The following BMX variants were observed in gnomAD, a reference collection of about 807,000 sequenced individuals.
BMX encodes BMX non-receptor tyrosine kinase.
A neutral mutation model predicts 59.2 loss-of-function variants in BMX; 31 were observed. That is an observed-to-expected ratio of 0.52 (90% CI 0.39 to 0.71). BMX has a LOEUF of 0.71. BMX is among the 30% of genes least tolerant of loss of function. The pLI, the probability that BMX is intolerant of heterozygous loss-of-function variation, is 0.00. For synonymous variants in BMX, 185 were observed against 181.0 expected (o/e 1.02, Z -0.18); for missense variants, 474 against 491.7 (o/e 0.96, Z 0.34).
At chrX:15,546,761 C>A in intron 16 of BMX, 42 bp from the exon 17 acceptor site, 1 of 1,103,019 alleles carries the variant, frequency 9.1e-7, no homozygotes, top group Non-Finnish European at 1.2e-6. Context: ...CAGCCTGTAC[C>A]ACCACGGCTT....
At chrX:15,514,362 C>T (rs1276610332) in intron 4 of BMX, among the ~76,000 whole-genome samples, 1 of 111,873 alleles carries the variant, frequency 8.9e-6, no homozygotes, top group African/African-American at 3.2e-5. Context: ...TCACTAAAGC[C>T]CACTGTTTAT....
At chrX:15,539,244 C>T (rs1300956939) in intron 14 of BMX, among the ~76,000 whole-genome samples, 1 of 110,620 alleles carries the variant, frequency 9.0e-6, no homozygotes, top group Admixed American at 9.6e-5. Context: ...TTGCCATTAC[C>T]AAGCTGGTAT....
intron 1 of BMX, among the ~76,000 whole-genome samples, chrX:15,506,602 T>C (rs1286605788): frequency 3.6e-5 from 4 of 112,311 alleles, no homozygotes; most frequent in African/African-American, 1.3e-4. Context: ...GAGCAAATTC[T>C]CTTCCGGCCA....
intron 13 of BMX, 103 bp downstream of exon 13, chrX:15,536,530 G>A: frequency 1.4e-6 from 1 of 695,621 alleles, no homozygotes. Context: ...AGGAAAGACA[G>A]GAAGGAGGCC....
intron 17 of BMX, 117 bp downstream of exon 17, chrX:15,547,038 A>T (rs1234642950): frequency 1.8e-6 from 1 of 563,265 alleles, no homozygotes; most frequent in Non-Finnish European, 2.8e-6. Context: ...ACGAAGTTAC[A>T]CATATAGCCT....
intron 16 of BMX, among the ~76,000 whole-genome samples, chrX:15,545,843 C>G (rs1425508631): frequency 8.9e-6 from 1 of 111,774 alleles, no homozygotes; most frequent in Non-Finnish European, 1.9e-5. Context: ...CTGACAGAAT[C>G]TGTCCCTCAT....
At chrX:15,503,951 T>C (rs760608130) in intron 1 of BMX, among the ~76,000 whole-genome samples, 67 of 112,035 alleles carry the variant, frequency 6.0e-4, no homozygotes, top group African/African-American at 2.2e-3. Context: ...TGTTCTGGCC[T>C]ACCCCATAAG....
At chrX:15,551,708 C>T (rs767217564) in intron 18 of BMX, among the ~76,000 whole-genome samples, 3 of 110,785 alleles carry the variant, frequency 2.7e-5, no homozygotes, top group Non-Finnish European at 5.7e-5. Flanking sequence ...TTCGTTTAGC[C>T]TTAAATTATC....
chrX:15,552,874 T>C (rs1165083681), intron 18 of BMX, among the ~76,000 whole-genome samples: 2 of 112,576 alleles, frequency 1.8e-5, no homozygotes, highest in African/African-American at 3.2e-5. Flanking sequence ...TATTTTCTGT[T>C]TGGGCATTCT....
intron 16 of BMX, among the ~76,000 whole-genome samples, 161 bp from the exon 17 acceptor site, chrX:15,546,641 CT>C (rs1925959109): frequency 9.0e-6 from 1 of 111,390 alleles, no homozygotes; most frequent in Admixed American, 9.6e-5. Context: ...CTTTTAAATG[CT>C]TACAAACCAT....
intron 18 of BMX, among the ~76,000 whole-genome samples, chrX:15,550,390 A>G (rs1926136206): frequency 9.1e-6 from 1 of 110,440 alleles, no homozygotes; most frequent in Non-Finnish European, 1.9e-5. Flanking sequence ...CTGCAACACT[A>G]TGGAGCTCCT....
Position 15,555,201 on chromosome X carries a change from CTTTTTT to C in BMX, c.1954-852_1954-847del, listed in dbSNP as rs34118728. 3.0e-3 allele frequency among the ~76,000 whole-genome samples: 124 copies of C among 41,590 alleles called. 1 individual carries two copies. Among genetic ancestry groups the C allele is most frequent in the African/African-American group, 0.01 (114 of 11,052 alleles). 36.1% of individuals were successfully genotyped at this position (41,590 alleles called of 115,157 possible). A position where few individuals can be genotyped will look rare whatever the true frequency, so the allele number is the denominator to read the frequency against. ...TTGTCCTAGTCTAGAACGAGGGAAG[CTTTTTT>C]TTTTTTTTTTTTTTTTTTTAAGACA... On this transcript the variant is annotated intron_variant, in intron 18 of 18. Coordinates refer to ENST00000348343, the MANE Select transcript of BMX (RefSeq NM_203281.3).
intron 11 of BMX, among the ~76,000 whole-genome samples, chrX:15,532,179 G>C (rs1051792729): frequency 2.7e-5 from 3 of 110,907 alleles, no homozygotes; most frequent in African/African-American, 9.9e-5. Flanking sequence ...TGTTGTTGCT[G>C]GGGAAGGGTA....
At chrX:15,508,292 G>C in intron 1 of BMX, 53 bp from the exon 2 acceptor site, 1 of 900,246 alleles carries the variant, frequency 1.1e-6, no homozygotes, top group Non-Finnish European at 1.5e-6. Context: ...GAAGGTTAAA[G>C]AGAACTTACC....
intron 6 of BMX, among the ~76,000 whole-genome samples, chrX:15,519,996 G>A (rs1924367278): frequency 8.9e-6 from 1 of 111,862 alleles, no homozygotes. Flanking sequence ...ATAAAATTTG[G>A]AGGGGTCGAA....
chrX:15,517,818 A>G, intron 5 of BMX, 111 bp from the exon 6 acceptor site: 1 of 643,923 alleles, frequency 1.6e-6, no homozygotes, highest in Non-Finnish European at 2.4e-6. Flanking sequence ...GATTCACTTA[A>G]TCTGGAGTAT....
intron 10 of BMX, among the ~76,000 whole-genome samples, chrX:15,530,700 G>A (rs1925025662): frequency 8.9e-6 from 1 of 111,996 alleles, no homozygotes; most frequent in Admixed American, 9.5e-5. Context: ...CCAGAGTATA[G>A]CAGATGTGAT....
intron 4 of BMX, 147 bp from the exon 5 acceptor site, chrX:15,515,965 C>A (rs1924136567): frequency 2.7e-6 from 2 of 730,378 alleles, no homozygotes; most frequent in East Asian, 6.5e-5. Context: ...GAGTGAAAGA[C>A]CTATATCCTT....
intron 13 of BMX, 74 bp downstream of exon 13, chrX:15,536,501 G>T: frequency 1.3e-6 from 1 of 741,726 alleles, no homozygotes; most frequent in South Asian, 4.3e-5. Context: ...TAATTTACTG[G>T]CAAAAAAAAA....
Sources: gnomAD v4.1 joint callset for allele counts (sites outside exome capture counted in the v4.1 genomes callset) on GRCh38, gnomAD v4.1.1 for gene constraint, MANE v1.5 for transcripts, NCBI Gene and HGNC (gene_info 2026-07-23, HGNC 2026-07-21) for gene names.